Variants in VSTM2B observed in about 807,000 individuals in gnomAD.
VSTM2B encodes V-set and transmembrane domain-containing protein 2B.
VSTM2B carries 24 observed loss-of-function variants against 24.0 expected under a neutral mutation model. That is an observed-to-expected ratio of 1.00 (90% CI 0.72 to 1.40). The LOEUF (loss-of-function observed/expected upper bound fraction) is 1.40, where lower values mean the gene tolerates loss of function less well. VSTM2B is among the 40% of genes most tolerant of loss of function. The pLI, the probability that VSTM2B is intolerant of heterozygous loss-of-function variation, is 0.00. For synonymous variants in VSTM2B, 226 were observed against 194.4 expected (o/e 1.16, Z -1.35); for missense variants, 399 against 416.4 (o/e 0.96, Z 0.36).
Position 29,526,474 on chromosome 19 carries a change from G to A in VSTM2B, c.-110G>A, listed in dbSNP as rs545256577. ...GCCAGGGGAGGGGGCGCCGCGCGGG[G>A]CCATGGCAGGCTCGGAGGCGTCCTA... On this transcript the variant is annotated 5_prime_UTR_variant, in exon 1 of 5. Transcript: ENST00000335523. This position sits in a 1 kb window ranked among gnomAD's most constrained non-coding sequence, Gnocchi z 4.1. The A allele has an allele frequency of 7.4e-4, 480 of 645,310 alleles. 1 individual carries two copies. The African/African-American group carries it at 8.1e-3, about 11-fold the overall frequency. 40.0% of individuals were successfully genotyped at this position (645,310 alleles called of 1,614,324 possible).
intron 4 of VSTM2B, among the ~76,000 whole-genome samples, chr19:29,538,356 AG>A (rs1190836573): frequency 6.6e-6 from 1 of 152,196 alleles, no homozygotes; most frequent in African/African-American, 2.4e-5. Flanking sequence ...AGCTTAACAC[AG>A]GGCCTGGCAC....
intron 4 of VSTM2B, among the ~76,000 whole-genome samples, chr19:29,559,982 C>T (rs1055995349): frequency 9.2e-5 from 14 of 152,038 alleles, no homozygotes; most frequent in African/African-American, 1.7e-4. Context: ...TGTCTATGAT[C>T]GGCTGCTAAT....
In VSTM2B at chr19:29,539,059, G is replaced by A. The variant is rs576982246; in HGVS notation, c.769+8769G>A. Among the ~76,000 whole-genome samples, 153 of 152,306 alleles carry A rather than the reference G, an allele frequency of 1.0e-3. 1 individual carries two copies. The highest frequency in any genetic ancestry group is 3.5e-3 in the African/African-American group (147 of 41,558). On this transcript the variant is annotated intron_variant, in intron 4 of 4. Transcript: ENST00000335523. ...GTTCTCTGGCTGCACCATTTCAAGG[G>A]GGGAAGGTAGAAAGATGGGGATGGT...
At chr19:29,562,307 G>A (rs1217486271) in intron 4 of VSTM2B, among the ~76,000 whole-genome samples, 1 of 152,212 alleles carries the variant, frequency 6.6e-6, no homozygotes, top group Non-Finnish European at 1.5e-5. Flanking sequence ...GGATAGGAAG[G>A]ACTAAGTGTG....
chr19:29,555,252 C>G (rs1970380172), intron 4 of VSTM2B, among the ~76,000 whole-genome samples: 1 of 152,156 alleles, frequency 6.6e-6, no homozygotes, highest in Admixed American at 6.6e-5. Context: ...AATTAAGAAA[C>G]TCACTCAAAA....
At chr19:29,550,615 A>G (rs1003721436) in intron 4 of VSTM2B, among the ~76,000 whole-genome samples, 9 of 152,084 alleles carry the variant, frequency 5.9e-5, no homozygotes, top group African/African-American at 1.9e-4. Flanking sequence ...CTTCCCTTGA[A>G]CTAGCTCTTC....
intron 4 of VSTM2B, among the ~76,000 whole-genome samples, chr19:29,541,440 G>A (rs1025735351): frequency 1.3e-5 from 2 of 152,124 alleles, no homozygotes; most frequent in Non-Finnish European, 2.9e-5. Flanking sequence ...ATGGATGGGG[G>A]ATGAATGGGA....
intron 4 of VSTM2B, among the ~76,000 whole-genome samples, chr19:29,534,339 C>T (rs1392789801): frequency 6.6e-6 from 1 of 152,198 alleles, no homozygotes; most frequent in Non-Finnish European, 1.5e-5. Context: ...GCAGGGGCAC[C>T]CAGGTGGTGC....
At chr19:29,562,558 G>A (rs143535862) in intron 4 of VSTM2B, among the ~76,000 whole-genome samples, 53 of 152,268 alleles carry the variant, frequency 3.5e-4, no homozygotes, top group African/African-American at 9.6e-4. Context: ...AGAGGCCTCC[G>A]GATGGTGCAG....
At chr19:29,546,288 G>A (rs1011934250) in intron 4 of VSTM2B, among the ~76,000 whole-genome samples, 11 of 152,194 alleles carry the variant, frequency 7.2e-5, no homozygotes, top group African/African-American at 2.2e-4. Flanking sequence ...ACTCAAAGGA[G>A]TGTGGAGACA....
chr19:29,558,113 C>T lies in VSTM2B; in HGVS notation c.770-5733C>T, dbSNP rs141993262. ...TATATATATGTATATATATATAAAGCTCAACATCACTGATCATTAGAGAAT... is the reference window on the plus strand; with the variant it reads ...TATATATATGTATATATATATAAAGTTCAACATCACTGATCATTAGAGAAT... On this transcript the variant is annotated intron_variant, in intron 4 of 4. Coordinates refer to ENST00000335523, the MANE Select transcript of VSTM2B (RefSeq NM_001146339.2). 8.7e-3 allele frequency among the ~76,000 whole-genome samples: 1,329 copies of T among 152,156 alleles called. 22 individuals are homozygous for T. The highest frequency in any genetic ancestry group is 0.03 in the African/African-American group (1,259 of 41,518).
In VSTM2B at chr19:29,531,683, G is replaced by A. The variant is rs978401160; in HGVS notation, c.769+1393G>A. Among the ~76,000 whole-genome samples, 3 of 152,208 alleles carry A rather than the reference G, an allele frequency of 2.0e-5. 1 individual carries two copies. Among genetic ancestry groups the A allele is most frequent in the Admixed American group, 6.5e-5 (1 of 15,280 alleles). On this transcript the variant is annotated intron_variant, in intron 4 of 4. Coordinates refer to ENST00000335523, the MANE Select transcript of VSTM2B (RefSeq NM_001146339.2). ...CAGGAGCCCACAAGACTGTCCCTCA[G>A]GCTACTGGGGAAGGTAGGGACCTGC...
chr19:29,561,807 A>G (rs1011006482), intron 4 of VSTM2B, among the ~76,000 whole-genome samples: 4 of 152,138 alleles, frequency 2.6e-5, no homozygotes, highest in African/African-American at 9.7e-5. Flanking sequence ...CGTCCATCAC[A>G]TCCGCCTGTC....
rs904059639 is a variant in VSTM2B at position 29,538,397 on chromosome 19, G to T, written c.769+8107G>T. The stretch of plus-strand genomic sequence containing the variant: ...AATACACTCAGTGGATGTTGGCTTT[G>T]GTAACCAGCGTTATTCACGGGAATG... On this transcript the variant is annotated intron_variant, in intron 4 of 4. Coordinates refer to ENST00000335523, the MANE Select transcript of VSTM2B (RefSeq NM_001146339.2). 5.9e-5 allele frequency among the ~76,000 whole-genome samples: 9 copies of T among 152,250 alleles called. No homozygotes were observed. In the South Asian group the frequency reaches 6.2e-4, roughly 11 times the overall value.
At position 29,527,340 on chromosome 19, in the gene VSTM2B, C is replaced by T. The variant is rs755029807; in HGVS notation, c.212C>T (p.Pro71Leu). 4.7e-5 allele frequency: 73 copies of T among 1,548,678 alleles called. No individual in the cohort carries two copies. Among genetic ancestry groups the T allele is most frequent in the Non-Finnish European group, 5.5e-5 (63 of 1,146,450 alleles). The change falls in exon 2 of 5, where the codon CCA becomes CTA. Residue 71 changes from proline (P) to leucine (L), a missense_variant. Transcript: ENST00000335523. ...LEIQWWYLKE[P>L]PRELLHELAL... ...ATTCAGTGGTGGTACCTCAAGGAGC[C>T]ACCCCGGGAGCTGCTGCACGAGCTG...
chr19:29,556,736 C>A (rs1012400225), intron 4 of VSTM2B, among the ~76,000 whole-genome samples: 1 of 152,012 alleles, frequency 6.6e-6, no homozygotes, highest in Non-Finnish European at 1.5e-5. Context: ...AGACAAGCAA[C>A]AATAGACAAA....
chr19:29,528,328 G>T lies in VSTM2B; in HGVS notation c.268-105G>T, dbSNP rs913523993. On this transcript the variant is annotated intron_variant, in intron 2 of 4. Transcript: ENST00000335523. ...AACCCCCATCCCCCGGGCGGTTTCG[G>T]TCCTAGCCTGCCGGAGGAGGGTGCC... 9 of 1,471,152 alleles carry T rather than the reference G, an allele frequency of 6.1e-6. No individual in the cohort carries two copies. The Admixed American group carries it at 1.6e-4, about 26-fold the overall frequency. The allele number at this position is 1,471,152 out of a possible 1,614,324, so 91.1% of individuals were successfully genotyped here.
chr19:29,530,351 G>A, intron 4 of VSTM2B, 61 bp downstream of exon 4: 3 of 1,387,584 alleles, frequency 2.2e-6, no homozygotes, highest in Non-Finnish European at 2.8e-6. Context: ...GGCTGCGCCG[G>A]GACGCCCCGG....
intron 4 of VSTM2B, among the ~76,000 whole-genome samples, chr19:29,549,241 C>G (rs1462235038): frequency 6.6e-6 from 1 of 152,226 alleles, no homozygotes; most frequent in Non-Finnish European, 1.5e-5. Flanking sequence ...TACCTTGTCC[C>G]TGGGCTCTGT....
Sources: allele counts gnomAD v4.1 joint callset (sites outside exome capture counted in the v4.1 genomes callset), GRCh38; gene constraint gnomAD v4.1.1; non-coding constraint Gnocchi (gnomAD v3.1); transcripts MANE v1.5; gene names NCBI Gene and HGNC (gene_info 2026-07-23, HGNC 2026-07-21).